KLRD1: variants seen among roughly 807,000 people sequenced by gnomAD.
The protein encoded by KLRD1 is natural killer cells antigen CD94.
Under a neutral mutation model 22.6 loss-of-function variants are expected in KLRD1, and 21 were observed. That is an observed-to-expected ratio of 0.93 (90% CI 0.66 to 1.34). The LOEUF (loss-of-function observed/expected upper bound fraction) is 1.34, where lower values mean the gene tolerates loss of function less well. Among genes scored for constraint, KLRD1 ranks in the 40% most tolerant of loss-of-function variants. The pLI is 0.00. For missense variants in KLRD1, 183 were observed against 208.6 expected (o/e 0.88, Z 0.76); for synonymous variants, 59 against 71.1 (o/e 0.83, Z 0.85).
At chr12:10,296,660 A>G (rs1186423078) in intron 1 of KLRD1, among the ~76,000 whole-genome samples, 3 of 152,204 alleles carry the variant, frequency 2.0e-5, no homozygotes, top group Non-Finnish European at 4.4e-5. Flanking sequence ...TTTATACTCC[A>G]TGAGTAAATG....
chr12:10,292,541 G>T (rs1002166294), intron 1 of KLRD1, among the ~76,000 whole-genome samples: 5 of 152,160 alleles, frequency 3.3e-5, no homozygotes, highest in African/African-American at 1.2e-4. Context: ...CATTTTTAAA[G>T]AAATCTTTTT....
intron 1 of KLRD1, among the ~76,000 whole-genome samples, chr12:10,276,244 A>C (rs1021606908): frequency 4.6e-5 from 7 of 152,038 alleles, no homozygotes; most frequent in Non-Finnish European, 1.0e-4. Context: ...GTATTTCTTA[A>C]ATTATCACCT....
chr12:10,264,711 A>G (rs906166237), intron 1 of KLRD1, among the ~76,000 whole-genome samples: 1 of 92,938 alleles, frequency 1.1e-5, no homozygotes, highest in African/African-American at 3.4e-5. Flanking sequence ...TGTAGTGAGA[A>G]CACTTAAGAT....
rs1950294326 is a variant in KLRD1 at position 10,319,841 on chromosome 12, G to C, written c.*5048G>C. The stretch of plus-strand genomic sequence containing the variant: ...CGAGGATTCCTCACTCTCAGAAGCT[G>C]TGTGAAATAGTAAAGTGTTTATTCT... On this transcript the variant is annotated 3_prime_UTR_variant, in exon 6 of 6. Transcript: ENST00000336164. The C allele has an allele frequency of 6.6e-6, 1 of 150,982 alleles. No individual in the cohort carries two copies. The highest frequency in any genetic ancestry group is 2.1e-4 in the South Asian group (1 of 4,728). 9.4% of individuals were successfully genotyped at this position (150,982 alleles called of 1,614,324 possible). A position where few individuals can be genotyped will look rare whatever the true frequency, so the allele number is the denominator to read the frequency against.
At chr12:10,246,933 C>CTTTTTT (rs71049075) in intron 1 of KLRD1, among the ~76,000 whole-genome samples, 4 of 58,372 alleles carry the variant, frequency 6.9e-5, no homozygotes, top group African/African-American at 1.5e-4. Context: ...CTTTTCTTTT[C>CTTTTTT]TTTTTTTTTT....
intron 1 of KLRD1, among the ~76,000 whole-genome samples, chr12:10,287,413 T>A (rs1259839458): frequency 1.3e-5 from 2 of 152,046 alleles, no homozygotes; most frequent in Admixed American, 1.3e-4. Flanking sequence ...CACAGATAGG[T>A]TGCAAAAAAA....
chr12:10,274,999 T>G (rs1399602804), intron 1 of KLRD1, among the ~76,000 whole-genome samples: 1 of 151,678 alleles, frequency 6.6e-6, no homozygotes, highest in Admixed American at 6.6e-5. Context: ...CAAGCGATTC[T>G]CTGCCTCAGC....
intron 1 of KLRD1, among the ~76,000 whole-genome samples, chr12:10,265,829 G>A (rs901796557): frequency 2.6e-5 from 4 of 152,174 alleles, no homozygotes; most frequent in Non-Finnish European, 4.4e-5. Flanking sequence ...TGTCTAACAT[G>A]TCCCTGTACA....
At chr12:10,287,147 A>G (rs1368264946) in intron 1 of KLRD1, among the ~76,000 whole-genome samples, 1 of 146,978 alleles carries the variant, frequency 6.8e-6, no homozygotes, top group East Asian at 2.4e-4. Context: ...AAACAAAAAC[A>G]AAACCCTCTT....
intron 1 of KLRD1, among the ~76,000 whole-genome samples, chr12:10,250,243 A>T (rs201744730): frequency 1.5e-5 from 2 of 130,384 alleles, no homozygotes; most frequent in Non-Finnish European, 3.1e-5. Flanking sequence ...GGCTGTTATG[A>T]GTGCTGGAAA....
Position 10,324,557 on chromosome 12 carries a change from A to G in KLRD1, c.*9764A>G, listed in dbSNP as rs1051572479. Reference sequence around the variant, plus strand: ...CTCTAGTTCTATCCATGTTCCTGCAAAGGACATGATTTTTTTCTTTTTTAT... The same window carrying G: ...CTCTAGTTCTATCCATGTTCCTGCAGAGGACATGATTTTTTTCTTTTTTAT... On this transcript the variant is annotated 3_prime_UTR_variant, in exon 6 of 6. Transcript: ENST00000336164. 1.3e-5 allele frequency: 2 copies of G among 151,956 alleles called. No homozygotes were observed. The highest frequency in any genetic ancestry group is 3.9e-4 in the East Asian group (2 of 5,186). The allele number at this position is 151,956 out of a possible 1,614,324, so 9.4% of individuals were successfully genotyped here.
intron 1 of KLRD1, among the ~76,000 whole-genome samples, chr12:10,254,458 C>T (rs1022362039): frequency 4.9e-5 from 7 of 141,652 alleles, no homozygotes; most frequent in Non-Finnish European, 9.2e-5. Flanking sequence ...AAAAACCTAT[C>T]AACAGAGTAA....
chr12:10,243,312 G>T (rs1949258085), intron 1 of KLRD1, among the ~76,000 whole-genome samples: 1 of 151,944 alleles, frequency 6.6e-6, no homozygotes, highest in Non-Finnish European at 1.5e-5. Context: ...TAATTTTTCG[G>T]TTAAAAGAAT....
At chr12:10,272,432 C>G (rs539423015) in intron 1 of KLRD1, among the ~76,000 whole-genome samples, 12 of 152,272 alleles carry the variant, frequency 7.9e-5, no homozygotes, top group African/African-American at 2.9e-4. Flanking sequence ...AAAAGATTTT[C>G]AAATCCTCCT....
At position 10,325,969 on chromosome 12, in the gene KLRD1, C is replaced by T. The variant is rs991692993; in HGVS notation, c.*11176C>T. ...TCTAATTACCCCACGTACTTCTCAA[C>T]ACTTGTCTTTCATTTGTTTGATAAT... On this transcript the variant is annotated 3_prime_UTR_variant, in exon 6 of 6. Transcript: ENST00000336164. The T allele has an allele frequency of 3.9e-5, 6 of 152,180 alleles. No individual in the cohort carries two copies. The highest frequency in any genetic ancestry group is 7.4e-5 in the Non-Finnish European group (5 of 68,026). The allele number at this position is 152,180 out of a possible 1,614,324, so 9.4% of individuals were successfully genotyped here.
At position 10,319,692 on chromosome 12, in the gene KLRD1, G is replaced by A. The variant is rs1950292753; in HGVS notation, c.*4899G>A. 1 of 151,892 alleles carries A rather than the reference G, an allele frequency of 6.6e-6. No homozygotes were observed. The highest frequency in any genetic ancestry group is 1.5e-5 in the Non-Finnish European group (1 of 68,000). The allele number at this position is 151,892 out of a possible 1,614,324, so 9.4% of individuals were successfully genotyped here. Reference sequence around the variant, plus strand: ...AGTCTATTTCCAATAGCCATGCTATGAGCCTTCTTTGCTTGTATAGGCTCC... The same window carrying A: ...AGTCTATTTCCAATAGCCATGCTATAAGCCTTCTTTGCTTGTATAGGCTCC... On this transcript the variant is annotated 3_prime_UTR_variant, in exon 6 of 6. Transcript: ENST00000336164.
upstream of KLRD1, among the ~76,000 whole-genome samples, chr12:10,305,999 A>G (rs1002598448): frequency 1.5e-5 from 2 of 130,442 alleles, no homozygotes; most frequent in African/African-American, 7.1e-5. Flanking sequence ...CGTCTCTACT[A>G]AAAAAAAAAA....
At chr12:10,242,071 G>GTTTT (rs72326980) in intron 1 of KLRD1, among the ~76,000 whole-genome samples, 3,126 of 99,354 alleles carry the variant, frequency 0.031, 242 homozygotes, top group African/African-American at 0.083. Context: ...TGTTCTTGCT[G>GTTTT]TTTTTTTTTT....
At chr12:10,308,386 T>C (rs2137689468) in intron 1 of KLRD1, 1 of 364,180 alleles carries the variant, frequency 2.7e-6, no homozygotes, top group East Asian at 4.9e-5. Flanking sequence ...AGTGTTCTAG[T>C]ATAGCAATAG....
Sources: allele counts gnomAD v4.1 joint callset (sites outside exome capture counted in the v4.1 genomes callset), GRCh38; gene constraint gnomAD v4.1.1; transcripts MANE v1.5; gene names NCBI Gene and HGNC (gene_info 2026-07-23, HGNC 2026-07-21).